The following VAT1L variants were observed in gnomAD, a reference collection of about 807,000 sequenced individuals.
VAT1L encodes vesicle amine transport 1 like.
VAT1L carries 34 observed loss-of-function variants against 44.1 expected under a neutral mutation model. The ratio of observed to expected loss-of-function variants is 0.77; its 90% CI spans 0.59 to 1.03. The LOEUF (loss-of-function observed/expected upper bound fraction) is 1.03, where lower values mean the gene tolerates loss of function less well. Among genes scored for constraint, VAT1L ranks in the 50% least tolerant of loss-of-function variants. The pLI is 0.00. For synonymous variants in VAT1L, 253 were observed against 202.2 expected (o/e 1.25, Z -2.13); for missense variants, 615 against 538.8 (o/e 1.14, Z -1.40).
chr16:77,972,182 G>T (rs2018285772), intron 8 of VAT1L, among the ~76,000 whole-genome samples: 1 of 152,184 alleles, frequency 6.6e-6, no homozygotes, highest in Non-Finnish European at 1.5e-5. Flanking sequence ...GGAAAGCATA[G>T]CAACAACAGA....
chr16:77,882,178 T>A (rs535438716), intron 6 of VAT1L: 8 of 152,224 alleles, frequency 5.3e-5, no homozygotes, highest in African/African-American at 1.7e-4. Context: ...CTCTGAAAAG[T>A]CCTAGAAAAA....
At chr16:77,898,790 C>T (rs2017350689) in intron 7 of VAT1L, among the ~76,000 whole-genome samples, 2 of 152,174 alleles carry the variant, frequency 1.3e-5, no homozygotes, top group Admixed American at 6.5e-5. Context: ...GCCCTTTCCT[C>T]GTGCTTGTAC....
At chr16:77,895,100 C>CCACA (rs67138523) in intron 7 of VAT1L, among the ~76,000 whole-genome samples, 2,496 of 145,212 alleles carry the variant, frequency 0.017, 56 homozygotes, top group Middle Eastern at 0.024. Context: ...AGCCACTTGC[C>CCACA]CACACACACA....
In VAT1L at chr16:77,879,923, C is replaced by T. The variant is rs1004970306; in HGVS notation, c.882+699C>T. Among the ~76,000 whole-genome samples the T allele has an allele frequency of 2.0e-5, 3 of 152,162 alleles. No homozygotes were observed. The highest frequency in any genetic ancestry group is 6.5e-5 in the Admixed American group (1 of 15,272). On this transcript the variant is annotated intron_variant, in intron 6 of 8. Coordinates refer to ENST00000302536, the MANE Select transcript of VAT1L (RefSeq NM_020927.3). The surrounding 1 kb of genome is among the most constrained non-coding windows in gnomAD (Gnocchi z 4.1). ...GGGGGTACTTGAGATTTCTCTGTCT[C>T]CCCATCCTCTTGAATCGGAGATAGA...
At position 77,816,905 on chromosome 16, in the gene VAT1L, C is replaced by T. The variant is rs1312394490; in HGVS notation, c.234-16C>T. The T allele has an allele frequency of 1.3e-6, 2 of 1,595,596 alleles. No individual in the cohort carries two copies. The highest frequency in any genetic ancestry group is 1.1e-5 in the South Asian group (1 of 87,408). On this transcript the variant is annotated splice_polypyrimidine_tract_variant and intron_variant, in intron 1 of 8. Transcript: ENST00000302536. Reference sequence around the variant, plus strand: ...CTCATTTTGAATTTCTCTCCTTTCACATTTGCTCTTTACAGTGGATTAAAC... The same window carrying T: ...CTCATTTTGAATTTCTCTCCTTTCATATTTGCTCTTTACAGTGGATTAAAC...
chr16:77,964,323 G>T (rs906359738), intron 7 of VAT1L, among the ~76,000 whole-genome samples: 2 of 152,116 alleles, frequency 1.3e-5, no homozygotes, highest in Non-Finnish European at 2.9e-5. Flanking sequence ...CAAAAATCAA[G>T]GTGTCAGCAG....
At chr16:77,855,255 G>A (rs751848987) in intron 3 of VAT1L, among the ~76,000 whole-genome samples, 4 of 151,380 alleles carry the variant, frequency 2.6e-5, no homozygotes, top group Non-Finnish European at 4.4e-5. Context: ...CAGGAGAATC[G>A]CTCGAACCCG....
At chr16:77,904,694 T>C (rs2017421571) in intron 7 of VAT1L, among the ~76,000 whole-genome samples, 1 of 152,222 alleles carries the variant, frequency 6.6e-6, no homozygotes, top group Non-Finnish European at 1.5e-5. Flanking sequence ...TAACACTTCC[T>C]ATATTCCCTA....
rs756454114 is a variant in VAT1L at position 77,788,888 on chromosome 16, G to A, written c.206G>A (p.Gly69Asp). 7.8e-6 allele frequency: 12 copies of A among 1,545,248 alleles called. No homozygotes were observed. The highest frequency in any genetic ancestry group is 8.7e-6 in the Non-Finnish European group (10 of 1,147,692). Residue 69 changes from glycine to aspartate, a missense_variant, in exon 1 of 9, where the codon GGC (glycine) becomes GAC (aspartate). Transcript: ENST00000302536. ...FRKAMPEPQD[G>D]ELKIRVKACG... ...AAGGCCATGCCCGAGCCTCAGGACGGCGAGCTCAAGATCCGCGTCAAAGCC... is the reference window on the plus strand; with the variant it reads ...AAGGCCATGCCCGAGCCTCAGGACGACGAGCTCAAGATCCGCGTCAAAGCC...
chr16:77,802,349 G>GC (rs2016072815), intron 1 of VAT1L, among the ~76,000 whole-genome samples: 2 of 152,128 alleles, frequency 1.3e-5, no homozygotes, highest in East Asian at 3.9e-4. Flanking sequence ...GGGCACCGTG[G>GC]CCCACGCCTG....
intron 7 of VAT1L, among the ~76,000 whole-genome samples, chr16:77,948,738 A>C (rs996489199): frequency 4.6e-5 from 7 of 152,172 alleles, no homozygotes; most frequent in Non-Finnish European, 1.0e-4. Flanking sequence ...TATTTCATAA[A>C]CATTCTAAGT....
chr16:77,879,538 A>T lies in VAT1L; in HGVS notation c.882+314A>T, dbSNP rs577625243. 6.6e-6 allele frequency among the ~76,000 whole-genome samples: 1 copy of T among 152,162 alleles called. No individual in the cohort carries two copies. The highest frequency in any genetic ancestry group is 2.4e-5 in the African/African-American group (1 of 41,466). On this transcript the variant is annotated intron_variant, in intron 6 of 8. Coordinates refer to ENST00000302536, the MANE Select transcript of VAT1L (RefSeq NM_020927.3). This position sits in a 1 kb window ranked among gnomAD's most constrained non-coding sequence, Gnocchi z 4.1. ...TCTGACCTCGTGATCTGCCCGCCTC[A>T]GCCTCCCAAAGTGCTGGGATTACAG...
At chr16:77,852,297 A>G (rs1438285545) in intron 3 of VAT1L, among the ~76,000 whole-genome samples, 2 of 152,154 alleles carry the variant, frequency 1.3e-5, no homozygotes, top group Non-Finnish European at 2.9e-5. Flanking sequence ...AGCTTTGGGA[A>G]AGCAAAAGTC....
intron 7 of VAT1L, among the ~76,000 whole-genome samples, chr16:77,906,865 T>C (rs531200024): frequency 7.9e-5 from 12 of 152,304 alleles, no homozygotes; most frequent in African/African-American, 2.6e-4. Context: ...AAAGTCTGTG[T>C]GGATCTGGCC....
intron 7 of VAT1L, among the ~76,000 whole-genome samples, chr16:77,917,949 G>A (rs2142491277): frequency 6.6e-6 from 1 of 152,270 alleles, no homozygotes; most frequent in Admixed American, 6.5e-5. Context: ...CAAGGTCTGG[G>A]CTGCCCCTTC....
intron 3 of VAT1L, among the ~76,000 whole-genome samples, chr16:77,835,955 G>A (rs1005434288): frequency 2.0e-5 from 3 of 152,094 alleles, no homozygotes; most frequent in African/African-American, 4.8e-5. Flanking sequence ...AGAGAACAGA[G>A]TATGAGCTCT....
intron 1 of VAT1L, among the ~76,000 whole-genome samples, chr16:77,806,456 A>G (rs7190471): frequency 0.016 from 1,075 of 67,876 alleles, 19 homozygotes; most frequent in African/African-American, 0.037. Flanking sequence ...TGATCTGCCC[A>G]CCTCGGCCTC....
Position 77,895,344 on chromosome 16 carries a change from C to G in VAT1L, c.1077+10542C>G, listed in dbSNP as rs367725161. 9.1e-3 allele frequency among the ~76,000 whole-genome samples: 254 copies of G among 28,030 alleles called. 1 individual carries two copies. The highest frequency in any genetic ancestry group is 0.022 in the Middle Eastern group (1 of 46). 18.4% of individuals were successfully genotyped at this position (28,030 alleles called of 152,430 possible). On this transcript the variant is annotated intron_variant, in intron 7 of 8. Coordinates refer to ENST00000302536, the MANE Select transcript of VAT1L (RefSeq NM_020927.3). Reference sequence around the variant, plus strand: ...CCTAAAGATGTCCACATCCTAATCCCTAGAATATTTGAACATGTTACCTCA... The same window carrying G: ...CCTAAAGATGTCCACATCCTAATCCGTAGAATATTTGAACATGTTACCTCA...
At chr16:77,862,182 G>A (rs558967479) in intron 3 of VAT1L, among the ~76,000 whole-genome samples, 2 of 152,280 alleles carry the variant, frequency 1.3e-5, no homozygotes, top group East Asian at 3.9e-4. Flanking sequence ...TTCCACCAAG[G>A]CGACACTTTG....
Sources: gnomAD v4.1 joint callset for allele counts (sites outside exome capture counted in the v4.1 genomes callset) on GRCh38, gnomAD v4.1.1 for gene constraint, Gnocchi (gnomAD v3.1) non-coding constraint, MANE v1.5 for transcripts, NCBI Gene and HGNC (gene_info 2026-07-23, HGNC 2026-07-21) for gene names.